Variants in CCDC85A observed in about 807,000 individuals in gnomAD.
CCDC85A encodes the protein coiled-coil domain containing 85A, also known as coiled-coil domain-containing protein 85A.
CCDC85A carries 38 observed loss-of-function variants against 50.2 expected under a neutral mutation model. That is an observed-to-expected ratio of 0.76 (90% confidence interval 0.58 to 0.99). The LOEUF is 0.99. Among genes scored for constraint, CCDC85A ranks in the 50% least tolerant of loss-of-function variants. The pLI, the probability that CCDC85A is intolerant of heterozygous loss-of-function variation, is 0.00. For missense variants in CCDC85A, 820 were observed against 742.0 expected (o/e 1.11, Z -1.22); for synonymous variants, 366 against 301.4 (o/e 1.21, Z -2.22).
At chr2:56,233,234 G>A (rs1468657516) in intron 2 of CCDC85A, among the ~76,000 whole-genome samples, 1 of 152,136 alleles carries the variant, frequency 6.6e-6, no homozygotes, top group African/African-American at 2.4e-5. Flanking sequence ...GATAGGCAAG[G>A]AAATTGAGAC....
Position 56,189,295 on chromosome 2 carries a change from G to GTATTTTTTTTTTTTTTTTT in CCDC85A, c.277-3181_277-3180insATTTTTTTTTTTTTTTTTT, listed in dbSNP as rs773078371. ...GCAAAACATGCACGGGGTATTTTTG[G>GTATTTTTTTTTTTTTTTTT]TGTTTTTTTTTTTTTTTGAGACAAG... On this transcript the variant is annotated intron_variant, in intron 1 of 5. Transcript: ENST00000407595. Among the ~76,000 whole-genome samples, 69 of 100,432 alleles carry GTATTTTTTTTTTTTTTTTT rather than the reference G, an allele frequency of 6.9e-4. 3 individuals carry two copies. Among genetic ancestry groups the GTATTTTTTTTTTTTTTTTT allele is most frequent in the African/African-American group, 9.8e-4 (22 of 22,398 alleles). The allele number at this position is 100,432 out of a possible 152,430, so 65.9% of individuals were successfully genotyped here.
rs1157673701 is a variant in CCDC85A at position 56,193,068 on chromosome 2, C to T, written c.868C>T (p.Pro290Ser). The T allele has an allele frequency of 2.5e-6, 4 of 1,613,802 alleles. No homozygotes were observed. The highest frequency in any genetic ancestry group is 1.3e-5 in the African/African-American group (1 of 74,904). Reference protein sequence around the residue: ...EHHKPLCKGSPEQQRHPHPGS... With the variant: ...EHHKPLCKGSSEQQRHPHPGS... ...CCACAAACCCTTGTGCAAGGGCAGC[C>T]CCGAACAGCAAAGGCACCCGCATCC... is the stretch of plus-strand genomic sequence containing the variant. Residue 290 changes from proline to serine, a missense_variant, in exon 2 of 6, where the codon CCC becomes TCC. Coordinates refer to ENST00000407595, the MANE Select transcript of CCDC85A (RefSeq NM_001080433.2).
chr2:56,253,005 C>A (rs1384182094), intron 2 of CCDC85A, among the ~76,000 whole-genome samples: 1 of 151,418 alleles, frequency 6.6e-6, no homozygotes, highest in Non-Finnish European at 1.5e-5. Context: ...GGTGACAAAG[C>A]AAGACTCCAT....
At chr2:56,273,687 A>AATATATAT (rs10579579) in intron 2 of CCDC85A, among the ~76,000 whole-genome samples, 453 of 148,312 alleles carry the variant, frequency 3.1e-3, no homozygotes, top group African/African-American at 0.011. Flanking sequence ...TGGGTTTCAG[A>AATATATAT]ATATATATAT....
intron 2 of CCDC85A, among the ~76,000 whole-genome samples, chr2:56,328,771 T>C (rs1673606132): frequency 6.6e-6 from 1 of 152,144 alleles, no homozygotes; most frequent in Non-Finnish European, 1.5e-5. Context: ...TGGCTGTACC[T>C]CCTGGAGACG....
intron 3 of CCDC85A, among the ~76,000 whole-genome samples, chr2:56,347,852 T>G (rs1417703046): frequency 1.3e-5 from 2 of 152,246 alleles, no homozygotes; most frequent in African/African-American, 2.4e-5. Context: ...CTTTTCTTGA[T>G]GGTCACAAAG....
chr2:56,309,092 G>A (rs1170980332), intron 2 of CCDC85A, among the ~76,000 whole-genome samples: 1 of 152,150 alleles, frequency 6.6e-6, no homozygotes, highest in African/African-American at 2.4e-5. Context: ...CTGCTGTACT[G>A]AGAGTTAAAT....
chr2:56,356,536 C>G (rs768695245), intron 3 of CCDC85A, among the ~76,000 whole-genome samples: 2 of 152,074 alleles, frequency 1.3e-5, no homozygotes, highest in Non-Finnish European at 2.9e-5. Context: ...GGATTCAAGA[C>G]CAGCCTAGCC....
intron 2 of CCDC85A, among the ~76,000 whole-genome samples, chr2:56,295,257 G>C (rs183249794): frequency 1.3e-3 from 195 of 152,212 alleles, no homozygotes; most frequent in African/African-American, 4.5e-3. Flanking sequence ...GGACCTTCAA[G>C]TATTTACTTT....
intron 2 of CCDC85A, among the ~76,000 whole-genome samples, chr2:56,211,597 C>T (rs1648617154): frequency 6.6e-6 from 1 of 151,822 alleles, no homozygotes; most frequent in African/African-American, 2.4e-5. Context: ...TAAAGATATT[C>T]CTTTTCCTTT....
At chr2:56,330,290 A>G (rs920768522) in intron 2 of CCDC85A, among the ~76,000 whole-genome samples, 1 of 152,100 alleles carries the variant, frequency 6.6e-6, no homozygotes, top group Non-Finnish European at 1.5e-5. Context: ...CCTTCCTGGT[A>G]CCTCCTTTGT....
intron 2 of CCDC85A, among the ~76,000 whole-genome samples, chr2:56,271,950 A>G (rs1670718920): frequency 6.6e-6 from 1 of 152,096 alleles, no homozygotes; most frequent in Non-Finnish European, 1.5e-5. Context: ...CCAGTCTTTT[A>G]ATTTCTGCCT....
Position 56,385,316 on chromosome 2 carries a change from A to G in CCDC85A, c.*961A>G, listed in dbSNP as rs1676774704. The stretch of plus-strand genomic sequence containing the variant: ...AAAGCTTTCTTTGCCTACTGCAGCT[A>G]TCTAACATTTTATGAAACTGACGCA... On this transcript the variant is annotated 3_prime_UTR_variant, in exon 6 of 6. Coordinates refer to ENST00000407595, the MANE Select transcript of CCDC85A (RefSeq NM_001080433.2). The G allele has an allele frequency of 6.6e-6, 1 of 152,308 alleles. No individual in the cohort carries two copies. Among genetic ancestry groups the G allele is most frequent in the Non-Finnish European group, 1.5e-5 (1 of 67,864 alleles). 9.4% of individuals were successfully genotyped at this position (152,308 alleles called of 1,614,324 possible). A position where few individuals can be genotyped will look rare whatever the true frequency, so the allele number is the denominator to read the frequency against.
intron 2 of CCDC85A, among the ~76,000 whole-genome samples, chr2:56,335,124 T>A (rs772284208): frequency 4.6e-5 from 7 of 152,140 alleles, no homozygotes; most frequent in Middle Eastern, 3.2e-3. Context: ...AAGAAAAGCG[T>A]CAAATTTTAG....
At chr2:56,281,328 T>C (rs1055782666) in intron 2 of CCDC85A, among the ~76,000 whole-genome samples, 9 of 152,192 alleles carry the variant, frequency 5.9e-5, no homozygotes, top group African/African-American at 2.2e-4. Flanking sequence ...TTATATACGG[T>C]TTTGTTGATG....
intron 2 of CCDC85A, among the ~76,000 whole-genome samples, chr2:56,265,207 A>G (rs1670384828): frequency 6.6e-6 from 1 of 152,200 alleles, no homozygotes; most frequent in Non-Finnish European, 1.5e-5. Flanking sequence ...AGCCAGAGAA[A>G]AGAAGAAAAG....
chr2:56,318,026 C>G (rs1245967442), intron 2 of CCDC85A, among the ~76,000 whole-genome samples: 1 of 152,036 alleles, frequency 6.6e-6, no homozygotes, highest in Non-Finnish European at 1.5e-5. Flanking sequence ...TGTAGTCAGT[C>G]CAAGATGTTA....
intron 2 of CCDC85A, among the ~76,000 whole-genome samples, chr2:56,286,582 C>T (rs1382806171): frequency 6.6e-6 from 1 of 152,122 alleles, no homozygotes; most frequent in Non-Finnish European, 1.5e-5. Context: ...TTTCATATCT[C>T]TGCTAAGATT....
At chr2:56,351,744 G>A (rs1369764474) in intron 3 of CCDC85A, among the ~76,000 whole-genome samples, 86 of 142,012 alleles carry the variant, frequency 6.1e-4, no homozygotes, top group African/African-American at 1.3e-3. Flanking sequence ...TGTAGATTCT[G>A]GATATTAGCC....
Sources: gnomAD v4.1 joint callset for allele counts (sites outside exome capture counted in the v4.1 genomes callset) on GRCh38, gnomAD v4.1.1 for gene constraint, MANE v1.5 for transcripts, NCBI Gene and HGNC (gene_info 2026-07-23, HGNC 2026-07-21) for gene names.